KCNH8: variants seen among roughly 807,000 people sequenced by gnomAD.
The protein encoded by KCNH8 is potassium voltage-gated channel subfamily H member 8, also known as voltage-gated delayed rectifier potassium channel KCNH8.
In KCNH8, 70 loss-of-function variants were observed where a neutral mutation model predicts 103.6. The observed-to-expected ratio is 0.68, with a 90% confidence interval of 0.56 to 0.82. The LOEUF is 0.82. KCNH8 is among the 40% of genes least tolerant of loss of function. The pLI, the probability that KCNH8 is intolerant of heterozygous loss-of-function variation, is 0.00. For synonymous variants in KCNH8, 498 were observed against 489.4 expected, an observed-to-expected ratio of 1.02 and a Z score of -0.23; for missense variants, 1,217 against 1,329.9, an observed-to-expected ratio of 0.92 and a Z score of 1.32.
At chr3:19,178,540 A>G (rs1381486520) in intron 1 of KCNH8, among the ~76,000 whole-genome samples, 1 of 152,176 alleles carries the variant, frequency 6.6e-6, no homozygotes, top group Non-Finnish European at 1.5e-5. Context: ...GCAGCAAAGA[A>G]TATGAGTGGG....
rs541398243 is a variant in KCNH8 at position 19,253,578 on chromosome 3, A to G, written c.77-76A>G. 5.4e-5 allele frequency: 63 copies of G among 1,175,644 alleles called. No individual in the cohort carries two copies. In the East Asian group the frequency reaches 1.5e-3, roughly 27 times the overall value. The allele number at this position is 1,175,644 out of a possible 1,614,324, so 72.8% of individuals were successfully genotyped here. ...GGCAGCTAGCTAAACACATATGCTG[A>G]TAATTTATACAGGAATTGTGTATAA... On this transcript the variant is annotated intron_variant, in intron 1 of 15. Coordinates refer to ENST00000328405, the MANE Select transcript of KCNH8 (RefSeq NM_144633.3).
At chr3:19,472,266 A>G (rs1269816376) in intron 11 of KCNH8, among the ~76,000 whole-genome samples, 1 of 151,260 alleles carries the variant, frequency 6.6e-6, no homozygotes, top group African/African-American at 2.4e-5. Flanking sequence ...ACAGAATAAC[A>G]GAATGTTAGA....
intron 7 of KCNH8, among the ~76,000 whole-genome samples, chr3:19,411,203 C>T (rs945619229): frequency 2.0e-5 from 3 of 151,894 alleles, no homozygotes; most frequent in Admixed American, 6.6e-5. Context: ...ATGCAAGGTT[C>T]GTTCCGCATG....
chr3:19,189,017 A>G (rs1254504817), intron 1 of KCNH8, among the ~76,000 whole-genome samples: 2 of 152,008 alleles, frequency 1.3e-5, no homozygotes, highest in East Asian at 3.9e-4. Context: ...TAACCCATAT[A>G]TATATTTGAG....
At chr3:19,464,920 T>C (rs2067705203) in intron 11 of KCNH8, among the ~76,000 whole-genome samples, 1 of 152,182 alleles carries the variant, frequency 6.6e-6, no homozygotes, top group Non-Finnish European at 1.5e-5. Flanking sequence ...GAGAATGATA[T>C]GATTAGTATC....
chr3:19,392,134 CATT>C (rs1403974540), intron 6 of KCNH8, among the ~76,000 whole-genome samples: 2 of 149,806 alleles, frequency 1.3e-5, no homozygotes, highest in African/African-American at 4.9e-5. Flanking sequence ...ATTTTTATAT[CATT>C]AACATTCTCA....
intron 1 of KCNH8, among the ~76,000 whole-genome samples, chr3:19,208,815 T>C (rs563870820): frequency 6.6e-6 from 1 of 151,984 alleles, no homozygotes; most frequent in South Asian, 2.1e-4. Flanking sequence ...CAAAGAGAAA[T>C]TTTTCCTCTT....
intron 1 of KCNH8, among the ~76,000 whole-genome samples, chr3:19,198,205 A>G (rs988427003): frequency 2.0e-5 from 3 of 152,154 alleles, no homozygotes; most frequent in African/African-American, 7.2e-5. Flanking sequence ...GTACAGAAAA[A>G]TTAATAAATG....
intron 11 of KCNH8, among the ~76,000 whole-genome samples, chr3:19,506,043 T>C (rs2068686380): frequency 6.6e-6 from 1 of 152,212 alleles, no homozygotes; most frequent in Admixed American, 6.5e-5. Flanking sequence ...ATTTCATCCA[T>C]CAGCTCCTGA....
At chr3:19,304,543 T>G (rs568446903) in intron 3 of KCNH8, among the ~76,000 whole-genome samples, 2 of 152,082 alleles carry the variant, frequency 1.3e-5, no homozygotes, top group Non-Finnish European at 2.9e-5. Flanking sequence ...AACTATAAAA[T>G]TTTTAAAAAA....
chr3:19,474,233 CAT>C lies in KCNH8; in HGVS notation c.2040+17254_2040+17255del, dbSNP rs1375953644. Among the ~76,000 whole-genome samples the C allele has an allele frequency of 4.6e-5, 7 of 152,106 alleles. 1 individual carries two copies. The South Asian group carries it at 8.3e-4, about 18-fold the overall frequency. On this transcript the variant is annotated intron_variant, in intron 11 of 15. Coordinates refer to ENST00000328405, the MANE Select transcript of KCNH8 (RefSeq NM_144633.3). The stretch of plus-strand genomic sequence containing the variant: ...ACAAATTGCAAAATCCCAGGATAAA[CAT>C]ATTTAATAGTGCTTTTCCCACAAAA...
chr3:19,218,291 T>C (rs1002263523), intron 1 of KCNH8, among the ~76,000 whole-genome samples: 1 of 152,236 alleles, frequency 6.6e-6, no homozygotes, highest in Non-Finnish European at 1.5e-5. Context: ...GTGAACTTGT[T>C]GGATTTCCGT....
At chr3:19,193,862 T>G (rs1049645189) in intron 1 of KCNH8, among the ~76,000 whole-genome samples, 1 of 151,758 alleles carries the variant, frequency 6.6e-6, no homozygotes, top group African/African-American at 2.4e-5. Flanking sequence ...TTTGTTTGTG[T>G]GTGTGCAAAA....
intron 2 of KCNH8, among the ~76,000 whole-genome samples, chr3:19,268,902 G>T (rs2064550583): frequency 6.6e-6 from 1 of 152,122 alleles, no homozygotes; most frequent in Admixed American, 6.6e-5. Context: ...TTAGCTGCTA[G>T]AATTGACAAG....
chr3:19,248,614 A>G (rs2064236871), intron 1 of KCNH8, among the ~76,000 whole-genome samples: 1 of 152,196 alleles, frequency 6.6e-6, no homozygotes, highest in Non-Finnish European at 1.5e-5. Context: ...TGTGTGGTAT[A>G]GTAAAATAAG....
chr3:19,502,041 A>G (rs2068596199), intron 11 of KCNH8, among the ~76,000 whole-genome samples: 2 of 151,082 alleles, frequency 1.3e-5, no homozygotes, highest in Admixed American at 6.6e-5. Flanking sequence ...TCAGCCCAAA[A>G]TCTCCTTAAG....
intron 11 of KCNH8, among the ~76,000 whole-genome samples, chr3:19,483,819 T>C (rs890969582): frequency 1.3e-5 from 2 of 152,136 alleles, no homozygotes; most frequent in African/African-American, 4.8e-5. Context: ...AGGGGATTGG[T>C]TATTACTAGC....
At chr3:19,235,385 G>T (rs973135844) in intron 1 of KCNH8, among the ~76,000 whole-genome samples, 1 of 152,136 alleles carries the variant, frequency 6.6e-6, no homozygotes, top group Non-Finnish European at 1.5e-5. Context: ...TAAAACAAAG[G>T]TGATTAGATT....
intron 1 of KCNH8, among the ~76,000 whole-genome samples, chr3:19,158,084 A>G (rs1354141171): frequency 3.3e-5 from 5 of 151,436 alleles, no homozygotes. Context: ...CATATGTTCT[A>G]CTATAGTTTT....
Sources: gnomAD v4.1 joint callset for allele counts (sites outside exome capture counted in the v4.1 genomes callset) on GRCh38, gnomAD v4.1.1 for gene constraint, MANE v1.5 for transcripts, NCBI Gene and HGNC (gene_info 2026-07-23, HGNC 2026-07-21) for gene names.